Variants in TJP2 observed in about 807,000 individuals in gnomAD.
TJP2 encodes the protein Friedreich ataxia region gene X104 (tight junction protein ZO-2).
Under a neutral mutation model 133.1 loss-of-function variants are expected in TJP2, and 91 were observed. The ratio of observed to expected loss-of-function variants is 0.68; its 90% CI spans 0.58 to 0.81. TJP2 has a LOEUF of 0.81. TJP2 is among the 40% of genes least tolerant of loss of function. The pLI is 0.00. For missense variants in TJP2, 1,541 were observed against 1,565.6 expected (o/e 0.98, Z 0.26); for synonymous variants, 592 against 583.4 (o/e 1.01, Z -0.21).
Position 69,174,319 on chromosome 9 carries a change from C to G in TJP2, c.-54C>G. ...TGCCCAGGAGGAGTAGGAGCAGGAG[C>G]AGAAGCAGAAGCGGGGTCCGGAGCT... is the stretch of plus-strand genomic sequence containing the variant. On this transcript the variant is annotated 5_prime_UTR_variant, in exon 1 of 23. Transcript: ENST00000377245. The G allele has an allele frequency of 1.3e-6, 2 of 1,550,522 alleles. No homozygotes were observed. The highest frequency in any genetic ancestry group is 1.7e-6 in the Non-Finnish European group (2 of 1,146,636).
chr9:69,253,061 A>T (rs1267378783), intron 22 of TJP2, 161 bp downstream of exon 22: 1 of 677,730 alleles, frequency 1.5e-6, no homozygotes. Context: ...AATTGTAAAG[A>T]TTACAGAGTC....
At chr9:69,213,417 C>T (rs1041397808) in intron 2 of TJP2, among the ~76,000 whole-genome samples, 2 of 152,100 alleles carry the variant, frequency 1.3e-5, no homozygotes. Flanking sequence ...TGTGATTTTC[C>T]TGGTTTTTCT....
chr9:69,149,039 A>C (rs1032040330), intron 1 of TJP2, among the ~76,000 whole-genome samples: 4 of 152,226 alleles, frequency 2.6e-5, no homozygotes, highest in Admixed American at 1.3e-4. Flanking sequence ...ATTTTACATT[A>C]TCTCTCAATA....
At chr9:69,212,114 C>G (rs1354364933) in intron 1 of TJP2, among the ~76,000 whole-genome samples, 1 of 152,020 alleles carries the variant, frequency 6.6e-6, no homozygotes, top group Non-Finnish European at 1.5e-5. Context: ...TTGGGCATAC[C>G]CTATGATAAG....
chr9:69,145,800 A>T (rs1353895460), intron 1 of TJP2: 2 of 1,232,004 alleles, frequency 1.6e-6, no homozygotes, highest in Admixed American at 4.2e-5. Context: ...AAGACACGTG[A>T]ACCTTTGGCA....
intron 5 of TJP2, among the ~76,000 whole-genome samples, chr9:69,223,435 G>A (rs892358973): frequency 1.3e-5 from 2 of 152,298 alleles, no homozygotes; most frequent in African/African-American, 4.8e-5. Context: ...AGCCTCCCAA[G>A]TAGCTGGGAC....
exon 1 of TJP2, chr9:69,121,472 A>C: frequency 2.2e-6 from 1 of 449,224 alleles, no homozygotes; most frequent in Non-Finnish European, 2.9e-6. Flanking sequence ...CTTCTCTCAA[A>C]CCTCTAAACA....
At chr9:69,228,867 T>C (rs1829549426) in intron 9 of TJP2, among the ~76,000 whole-genome samples, 1 of 152,192 alleles carries the variant, frequency 6.6e-6, no homozygotes, top group Non-Finnish European at 1.5e-5. Flanking sequence ...ATTATCATCA[T>C]AATTTTATAT....
chr9:69,142,441 A>C lies in TJP2; in HGVS notation c.-130-9210A>C, dbSNP rs563346653. On this transcript the variant is annotated intron_variant, in intron 1 of 5. Coordinates refer to the TJP2 transcript ENST00000423935. Reference sequence around the variant, plus strand: ...GGGCATCTGAGTAGCAAATATGTAAAGATATTATTTATGAGCATATTAAGG... The same window carrying C: ...GGGCATCTGAGTAGCAAATATGTAACGATATTATTTATGAGCATATTAAGG... Among the ~76,000 whole-genome samples, 154 of 152,298 alleles carry C rather than the reference A, an allele frequency of 1.0e-3. 1 individual carries two copies. Among genetic ancestry groups the C allele is most frequent in the African/African-American group, 3.6e-3 (150 of 41,554 alleles).
chr9:69,234,174 A>G (rs935893638), intron 11 of TJP2, among the ~76,000 whole-genome samples: 3 of 152,088 alleles, frequency 2.0e-5, no homozygotes, highest in African/African-American at 7.2e-5. Context: ...CCTTGCTTCA[A>G]TGGCTTAACC....
chr9:69,156,065 A>C (rs1165924216), intron 2 of TJP2, among the ~76,000 whole-genome samples: 3 of 152,322 alleles, frequency 2.0e-5, no homozygotes, highest in African/African-American at 7.2e-5. Context: ...ACAAAGTCTC[A>C]ATCAACTTAG....
chr9:69,141,479 C>T (rs1426545945), intron 1 of TJP2, among the ~76,000 whole-genome samples: 2 of 152,114 alleles, frequency 1.3e-5, no homozygotes, highest in African/African-American at 4.8e-5. Context: ...CACTGTTTTT[C>T]CCACAAGGAC....
chr9:69,160,877 G>A (rs779665562), intron 2 of TJP2, among the ~76,000 whole-genome samples: 14 of 152,174 alleles, frequency 9.2e-5, no homozygotes, highest in Non-Finnish European at 1.3e-4. Context: ...ATGAGAACAG[G>A]ATGGGAGAGA....
chr9:69,240,213 A>T, intron 17 of TJP2, 66 bp downstream of exon 17: 1 of 1,380,972 alleles, frequency 7.2e-7, no homozygotes, highest in Non-Finnish European at 1.0e-6. Context: ...AGAGTAGAAG[A>T]AATAATTAAT....
intron 2 of TJP2, among the ~76,000 whole-genome samples, chr9:69,168,437 T>G (rs1824475941): frequency 6.6e-6 from 1 of 152,000 alleles, no homozygotes; most frequent in African/African-American, 2.4e-5. Flanking sequence ...ATCTGGGAAG[T>G]GTACAAGTTA....
intron 5 of TJP2, among the ~76,000 whole-genome samples, chr9:69,224,541 G>C (rs1210541115): frequency 6.6e-6 from 1 of 152,142 alleles, no homozygotes; most frequent in Non-Finnish European, 1.5e-5. Flanking sequence ...GCTGGGCATG[G>C]TGGTGGGCAC....
intron 1 of TJP2, among the ~76,000 whole-genome samples, chr9:69,181,995 T>C (rs1825548024): frequency 6.6e-6 from 1 of 152,168 alleles, no homozygotes; most frequent in South Asian, 2.1e-4. Flanking sequence ...TCCACCCCCA[T>C]GGACTTCTCC....
chr9:69,205,414 T>G (rs1039969744), intron 1 of TJP2: 22 of 1,302,570 alleles, frequency 1.7e-5, no homozygotes, highest in Non-Finnish European at 2.1e-5. Flanking sequence ...TTAAAAATAC[T>G]TGTATTAATT....
At chr9:69,162,327 C>G (rs1431173041) in intron 2 of TJP2, among the ~76,000 whole-genome samples, 2 of 151,700 alleles carry the variant, frequency 1.3e-5, no homozygotes, top group Non-Finnish European at 2.9e-5. Flanking sequence ...TTGTTTCATT[C>G]TTTTAATCTA....
Sources: allele counts gnomAD v4.1 joint callset (sites outside exome capture counted in the v4.1 genomes callset), GRCh38; gene constraint gnomAD v4.1.1; transcripts MANE v1.5; gene names NCBI Gene and HGNC (gene_info 2026-07-23, HGNC 2026-07-21).